Variants in MAGI1 observed in about 807,000 individuals in gnomAD.
MAGI1 encodes membrane associated guanylate kinase, WW and PDZ domain containing 1, also known as membrane-associated guanylate kinase, WW and PDZ domain-containing protein 1.
A neutral mutation model predicts 139.9 loss-of-function variants in MAGI1; 58 were observed. The observed-to-expected ratio is 0.41, with a 90% CI of 0.34 to 0.52. MAGI1 has a LOEUF of 0.52. MAGI1 is among the 20% of genes least tolerant of loss of function. The probability of loss-of-function intolerance (pLI) is 0.12; values close to 1 mark genes in which losing one functional copy is unlikely to be tolerated. For missense variants in MAGI1, 1,874 were observed against 1,901.6 expected (o/e 0.99, Z 0.27); for synonymous variants, 812 against 737.9 (o/e 1.10, Z -1.63).
intron 7 of MAGI1, among the ~76,000 whole-genome samples, chr3:65,444,420 G>A (rs1469939539): frequency 6.6e-6 from 1 of 151,780 alleles, no homozygotes; most frequent in East Asian, 1.9e-4. Context: ...CATTTGTATA[G>A]GGCAGAAGGG....
In MAGI1 at chr3:65,818,083, T is replaced by C. The variant is rs2041724643; in HGVS notation, c.314-195995A>G. Among the ~76,000 whole-genome samples the C allele has an allele frequency of 3.3e-5, 5 of 152,160 alleles. No individual in the cohort carries two copies. The South Asian group carries it at 1.0e-3, about 32-fold the overall frequency. On this transcript the variant is annotated intron_variant, in intron 1 of 22. Coordinates refer to ENST00000402939, the MANE Select transcript of MAGI1 (RefSeq NM_001033057.2). ...GTGTGTGTGTGTCTCTCTCTTTGAC[T>C]TTCCTTTGTTAAAGAGAATTATTTT...
In MAGI1 at chr3:65,391,248, G is replaced by T; in HGVS notation, c.2310C>A (p.Phe770Leu). Residue 770 changes from phenylalanine (F) to leucine (L), a missense_variant, in exon 14 of 23, where the codon TTC becomes TTA. This residue lies in a region of MAGI1 where 482 missense variants were observed against 509.6 expected (regional missense o/e 0.95). Transcript: ENST00000402939. ...PSHSTQVLPEFPPAEAQAPDQ... is the reference protein window; with the variant it reads ...PSHSTQVLPELPPAEAQAPDQ... ...CTGGAGCTTGGGCCTCTGCAGGTGG[G>T]AACTCGGGGAGCACCTGTGTGCTGT... The T allele has an allele frequency of 6.2e-7, 1 of 1,614,158 alleles. No homozygotes were observed. The highest frequency in any genetic ancestry group is 1.1e-5 in the South Asian group (1 of 91,082).
chr3:65,605,510 G>A (rs1387685537), intron 2 of MAGI1, among the ~76,000 whole-genome samples: 1 of 152,132 alleles, frequency 6.6e-6, no homozygotes, highest in Non-Finnish European at 1.5e-5. Flanking sequence ...TGTAAGAAGT[G>A]CTCTTCTTCC....
chr3:65,580,959 C>G (rs2081391255), intron 2 of MAGI1, among the ~76,000 whole-genome samples: 1 of 152,136 alleles, frequency 6.6e-6, no homozygotes, highest in Admixed American at 6.6e-5. Flanking sequence ...GCAAGCCTGT[C>G]CCATCTCAGT....
chr3:65,472,636 A>G (rs899129497), intron 4 of MAGI1, among the ~76,000 whole-genome samples: 1 of 152,296 alleles, frequency 6.6e-6, no homozygotes, highest in South Asian at 2.1e-4. Context: ...CCTGCCGCCA[A>G]TGAGCAGAGA....
At chr3:65,773,617 G>A (rs961102312) in intron 1 of MAGI1, among the ~76,000 whole-genome samples, 6 of 152,078 alleles carry the variant, frequency 3.9e-5, no homozygotes, top group South Asian at 2.1e-4. Flanking sequence ...CATATCACTC[G>A]GATTGTCTGG....
At chr3:65,921,309 A>ATT (rs71105951) in intron 1 of MAGI1, among the ~76,000 whole-genome samples, 2 of 143,584 alleles carry the variant, frequency 1.4e-5, no homozygotes. Flanking sequence ...ATGACGTATA[A>ATT]TTTTTTTTTT....
intron 1 of MAGI1, among the ~76,000 whole-genome samples, chr3:65,796,772 C>A (rs1283047319): frequency 1.3e-5 from 2 of 152,188 alleles, no homozygotes; most frequent in African/African-American, 2.4e-5. Flanking sequence ...AGACCATATG[C>A]TCTCTACCCT....
At position 65,591,063 on chromosome 3, in the gene MAGI1, A is replaced by G. The variant is rs541283635; in HGVS notation, c.430+30909T>C. Among the ~76,000 whole-genome samples, 28 of 152,262 alleles carry G rather than the reference A, an allele frequency of 1.8e-4. No homozygotes were observed. In the South Asian group the frequency reaches 5.6e-3, roughly 30 times the overall value. On this transcript the variant is annotated intron_variant, in intron 2 of 22. Transcript: ENST00000402939. ...TACACACAAAGCTACGTGTGCAAGGATGTTCCTTTCATCACCGTTTCCATC... is the reference window on the plus strand; with the variant it reads ...TACACACAAAGCTACGTGTGCAAGGGTGTTCCTTTCATCACCGTTTCCATC...
At chr3:65,860,276 C>T (rs1034027162) in intron 1 of MAGI1, among the ~76,000 whole-genome samples, 30 of 152,172 alleles carry the variant, frequency 2.0e-4, no homozygotes, top group African/African-American at 7.2e-4. Flanking sequence ...CCAGAGGGAG[C>T]CCTTATTCTA....
Position 65,742,349 on chromosome 3 carries a change from T to C in MAGI1, c.314-120261A>G, listed in dbSNP as rs565218155. 2.0e-5 allele frequency among the ~76,000 whole-genome samples: 3 copies of C among 152,328 alleles called. No homozygotes were observed. In the East Asian group the frequency reaches 5.8e-4, roughly 29 times the overall value. On this transcript the variant is annotated intron_variant, in intron 1 of 22. Coordinates refer to ENST00000402939, the MANE Select transcript of MAGI1 (RefSeq NM_001033057.2). ...GACAATGAATGCATCTTTTTCCCCATTATGAAAATCCAATATACCCAGAGC... is the reference window on the plus strand; with the variant it reads ...GACAATGAATGCATCTTTTTCCCCACTATGAAAATCCAATATACCCAGAGC...
intron 1 of MAGI1, among the ~76,000 whole-genome samples, chr3:65,757,277 G>T (rs539338107): frequency 1.3e-5 from 2 of 152,112 alleles, no homozygotes; most frequent in Non-Finnish European, 2.9e-5. Context: ...TAGAAAAGAG[G>T]TTTTCTGAAA....
chr3:65,529,802 G>T (rs985055352), intron 2 of MAGI1, among the ~76,000 whole-genome samples: 2 of 152,102 alleles, frequency 1.3e-5, no homozygotes, highest in South Asian at 4.1e-4. Flanking sequence ...ACATAAAAAT[G>T]TATATACACA....
chr3:65,607,083 T>C (rs536685911), intron 2 of MAGI1, among the ~76,000 whole-genome samples: 88 of 152,184 alleles, frequency 5.8e-4, no homozygotes, highest in African/African-American at 2.0e-3. Flanking sequence ...TGACATTTTC[T>C]ATATATTTTG....
intron 1 of MAGI1, among the ~76,000 whole-genome samples, chr3:65,911,344 G>A (rs536624676): frequency 1.3e-5 from 2 of 152,134 alleles, no homozygotes; most frequent in East Asian, 3.9e-4. Context: ...AAGGGTTGGA[G>A]TTGGCTCATC....
intron 5 of MAGI1, among the ~76,000 whole-genome samples, chr3:65,456,463 A>G (rs3088097): frequency 0.42 from 62,813 of 151,316 alleles, 13,656 homozygotes; most frequent in African/African-American, 0.49. Context: ...GTCTGTAAAC[A>G]TTTTCTCTGT....
intron 1 of MAGI1, among the ~76,000 whole-genome samples, chr3:65,679,524 C>A (rs200296492): frequency 6.6e-6 from 1 of 151,952 alleles, no homozygotes; most frequent in East Asian, 1.9e-4. Context: ...GATCATGCCA[C>A]TGCACTCCAG....
chr3:65,649,250 T>A (rs1007226120), intron 1 of MAGI1, among the ~76,000 whole-genome samples: 1 of 151,984 alleles, frequency 6.6e-6, no homozygotes, highest in African/African-American at 2.4e-5. Context: ...GGTGGAGTGG[T>A]GTGCACCTGT....
intron 2 of MAGI1, among the ~76,000 whole-genome samples, chr3:65,543,204 C>A (rs948467039): frequency 6.6e-5 from 10 of 152,152 alleles, no homozygotes; most frequent in African/African-American, 2.4e-4. Context: ...CAATGAGATA[C>A]CATCTCACGC....
Sources: allele counts gnomAD v4.1 joint callset (sites outside exome capture counted in the v4.1 genomes callset), GRCh38; gene constraint gnomAD v4.1.1; regional missense constraint gnomAD v4.1.1; transcripts MANE v1.5; gene names NCBI Gene and HGNC (gene_info 2026-07-23, HGNC 2026-07-21).